OPCML: variants seen among roughly 807,000 people sequenced by gnomAD.
OPCML encodes the protein opioid binding protein/cell adhesion molecule like.
OPCML carries 13 observed loss-of-function variants against 37.8 expected under a neutral mutation model. The ratio of observed to expected loss-of-function variants is 0.34; its 90% confidence interval spans 0.22 to 0.55. OPCML has a LOEUF of 0.55. Among genes scored for constraint, OPCML ranks in the 20% least tolerant of loss-of-function variants. OPCML has a pLI of 0.91. For missense variants in OPCML, 341 were observed against 435.6 expected, an observed-to-expected ratio of 0.78 and a Z score of 1.93; for synonymous variants, 176 against 168.8, an observed-to-expected ratio of 1.04 and a Z score of -0.33.
At chr11:132,457,844 T>C (rs1429810165) in intron 4 of OPCML, among the ~76,000 whole-genome samples, 2 of 152,236 alleles carry the variant, frequency 1.3e-5, no homozygotes, top group African/African-American at 4.8e-5. Context: ...CCTTGTTGAA[T>C]GAATTATTTC....
intron 1 of OPCML, among the ~76,000 whole-genome samples, chr11:133,410,880 G>T (rs1945637702): frequency 6.6e-6 from 1 of 152,182 alleles, no homozygotes; most frequent in African/African-American, 2.4e-5. Flanking sequence ...TAACTGAGAA[G>T]AGCCTCATTT....
At chr11:133,139,963 A>T (rs541044260) in intron 1 of OPCML, among the ~76,000 whole-genome samples, 5 of 151,350 alleles carry the variant, frequency 3.3e-5, no homozygotes, top group Admixed American at 3.3e-4. Context: ...AAGATGGGCG[A>T]ATCACCTGAG....
chr11:132,629,299 G>A (rs1939946000), intron 3 of OPCML, among the ~76,000 whole-genome samples: 1 of 152,178 alleles, frequency 6.6e-6, no homozygotes, highest in African/African-American at 2.4e-5. Context: ...AATCCCAGGT[G>A]TCTGATTAAA....
intron 4 of OPCML, among the ~76,000 whole-genome samples, chr11:132,497,059 C>T (rs565130555): frequency 4.6e-5 from 7 of 152,140 alleles, no homozygotes; most frequent in African/African-American, 1.7e-4. Context: ...TACTATGCAG[C>T]CATAAAAAGG....
At chr11:132,455,377 T>C (rs1162028362) in intron 4 of OPCML, among the ~76,000 whole-genome samples, 1 of 152,170 alleles carries the variant, frequency 6.6e-6, no homozygotes, top group Non-Finnish European at 1.5e-5. Context: ...GTCACCTCCT[T>C]CCCATAGCAG....
intron 1 of OPCML, among the ~76,000 whole-genome samples, chr11:133,088,142 A>G (rs1948844948): frequency 6.6e-6 from 1 of 152,202 alleles, no homozygotes; most frequent in South Asian, 2.1e-4. Context: ...ATTATTAACA[A>G]AAGAGAAAGA....
Position 132,943,514 on chromosome 11 carries a change from G to A in OPCML, c.62-504C>T, listed in dbSNP as rs549616451. ...AAAAGTTTATAACCCAAAGAAGAAG[G>A]CAAGTGTCTCTGACATACAGGAGCT... On this transcript the variant is annotated intron_variant, in intron 1 of 7. Coordinates refer to ENST00000524381, the MANE Select transcript of OPCML (RefSeq NM_001012393.5). The surrounding 1 kb of genome is among the most constrained non-coding windows in gnomAD (Gnocchi z 4.3). 1.4e-5 allele frequency: 3 copies of A among 214,514 alleles called. No homozygotes were observed. Among genetic ancestry groups the A allele is most frequent in the African/African-American group, 2.2e-5 (1 of 44,626 alleles). The allele number at this position is 214,514 out of a possible 1,614,324, so 13.3% of individuals were successfully genotyped here.
rs979399598 is a variant in OPCML at position 133,313,963 on chromosome 11, C to T, written c.61+218301G>A. ...TAAGAATACGATTTCAGGCTGGGCGCAGTGGCTCACGCCTGTAATCCCAGC... is the reference window on the plus strand; with the variant it reads ...TAAGAATACGATTTCAGGCTGGGCGTAGTGGCTCACGCCTGTAATCCCAGC... On this transcript the variant is annotated intron_variant, in intron 1 of 7. Transcript: ENST00000524381. Among the ~76,000 whole-genome samples the T allele has an allele frequency of 2.6e-5, 4 of 152,126 alleles. No individual in the cohort carries two copies. The South Asian group carries it at 6.2e-4, about 24-fold the overall frequency.
chr11:132,744,472 A>G lies in OPCML; in HGVS notation c.147-87153T>C, dbSNP rs567765757. On this transcript the variant is annotated intron_variant, in intron 2 of 7. Coordinates refer to ENST00000524381, the MANE Select transcript of OPCML (RefSeq NM_001012393.5). ...GAGGATATGGTCTTAGCTCATTTCA[A>G]ACTTTGTCTCCACCTCTAGCCATGA... Among the ~76,000 whole-genome samples, 8 of 152,302 alleles carry G rather than the reference A, an allele frequency of 5.3e-5. No homozygotes were observed. The South Asian group carries it at 1.2e-3, about 24-fold the overall frequency.
At position 132,501,097 on chromosome 11, in the gene OPCML, A is replaced by G. The variant is rs914984045; in HGVS notation, c.505+27964T>C. ...TAATGGGATTGCTGGGCCAAATGGTATTTCTGCTTCTATATCCTTGAGGAA... is the reference window on the plus strand; with the variant it reads ...TAATGGGATTGCTGGGCCAAATGGTGTTTCTGCTTCTATATCCTTGAGGAA... On this transcript the variant is annotated intron_variant, in intron 4 of 7. Coordinates refer to ENST00000524381, the MANE Select transcript of OPCML (RefSeq NM_001012393.5). Among the ~76,000 whole-genome samples, 25 of 152,132 alleles carry G rather than the reference A, an allele frequency of 1.6e-4. No individual in the cohort carries two copies. The South Asian group carries it at 2.7e-3, about 16-fold the overall frequency.
At chr11:132,544,504 T>C (rs80123887) in intron 3 of OPCML, among the ~76,000 whole-genome samples, 2,327 of 152,306 alleles carry the variant, frequency 0.015, 55 homozygotes, top group African/African-American at 0.048. Flanking sequence ...ATTGGGCAAA[T>C]CTTTTTGGAA....
chr11:133,478,799 A>T (rs1947304632), intron 1 of OPCML, among the ~76,000 whole-genome samples: 1 of 151,756 alleles, frequency 6.6e-6, no homozygotes, highest in African/African-American at 2.4e-5. Flanking sequence ...TTAATATTAG[A>T]ATTGGAATTC....
chr11:133,409,525 C>T (rs1945599606), intron 1 of OPCML, among the ~76,000 whole-genome samples: 1 of 152,196 alleles, frequency 6.6e-6, no homozygotes, highest in South Asian at 2.1e-4. Flanking sequence ...CTAATCACTA[C>T]CGCTGAGCTC....
intron 2 of OPCML, among the ~76,000 whole-genome samples, chr11:132,834,344 C>T (rs1300663907): frequency 1.3e-5 from 2 of 152,128 alleles, no homozygotes; most frequent in African/African-American, 4.8e-5. Flanking sequence ...CCCCAGTCCG[C>T]GAATGCTAAG....
chr11:132,705,461 C>T (rs1170089713), intron 2 of OPCML, among the ~76,000 whole-genome samples: 1 of 151,962 alleles, frequency 6.6e-6, no homozygotes, highest in East Asian at 2.0e-4. Flanking sequence ...GGTGTGGTGT[C>T]ATGTGCCTGT....
chr11:132,513,428 T>C (rs1237681520), intron 4 of OPCML, among the ~76,000 whole-genome samples: 1 of 152,198 alleles, frequency 6.6e-6, no homozygotes, highest in Non-Finnish European at 1.5e-5. Context: ...CATTAATTTT[T>C]GTTTTTGTTT....
At chr11:132,690,199 C>T (rs1342762218) in intron 2 of OPCML, among the ~76,000 whole-genome samples, 2 of 152,154 alleles carry the variant, frequency 1.3e-5, no homozygotes, top group Non-Finnish European at 2.9e-5. Flanking sequence ...CTCAGTCTCA[C>T]AAAGAGCTGG....
chr11:132,819,902 C>T (rs1328126744), intron 2 of OPCML, among the ~76,000 whole-genome samples: 2 of 152,246 alleles, frequency 1.3e-5, no homozygotes, highest in Non-Finnish European at 2.9e-5. Context: ...AGTCAGAATG[C>T]GGCAGGGCTT....
chr11:132,439,408 C>T (rs1318662950), intron 4 of OPCML, among the ~76,000 whole-genome samples: 1 of 152,180 alleles, frequency 6.6e-6, no homozygotes, highest in Non-Finnish European at 1.5e-5. Flanking sequence ...GTTAAGCCGG[C>T]ATTTGCTGGA....
Sources: allele counts gnomAD v4.1 joint callset (sites outside exome capture counted in the v4.1 genomes callset), GRCh38; gene constraint gnomAD v4.1.1; non-coding constraint Gnocchi (gnomAD v3.1); transcripts MANE v1.5; gene names NCBI Gene and HGNC (gene_info 2026-07-23, HGNC 2026-07-21).